Variants in CTTNBP2 observed in about 807,000 individuals in gnomAD.
CTTNBP2 encodes the protein cortactin-binding protein 2.
In CTTNBP2, 108 loss-of-function variants were observed where a neutral mutation model predicts 156.9. That is an observed-to-expected ratio of 0.69 (90% CI 0.59 to 0.81). CTTNBP2 has a LOEUF of 0.81. Among genes scored for constraint, CTTNBP2 ranks in the 30% least tolerant of loss-of-function variants. The pLI is 0.00. For synonymous variants in CTTNBP2, 767 were observed against 751.8 expected (o/e 1.02, Z -0.33); for missense variants, 1,924 against 2,035.4 (o/e 0.95, Z 1.05).
At chr7:117,745,681 A>T in intron 14 of CTTNBP2, 150 bp downstream of exon 14, 2 of 613,050 alleles carry the variant, frequency 3.3e-6, no homozygotes, top group Non-Finnish European at 5.8e-6. Flanking sequence ...ACACATGAAG[A>T]TAATTTTTGC....
chr7:117,846,107 T>C (rs1802570079), intron 2 of CTTNBP2, among the ~76,000 whole-genome samples: 1 of 152,118 alleles, frequency 6.6e-6, no homozygotes, highest in Admixed American at 6.6e-5. Context: ...CGCCTCAGCC[T>C]CCCAAAGTGC....
intron 4 of CTTNBP2, chr7:117,786,301 C>A: frequency 3.2e-6 from 1 of 308,534 alleles, no homozygotes; most frequent in Non-Finnish European, 6.5e-6. Context: ...TCATAAAATT[C>A]AATATTTATC....
chr7:117,841,791 T>C (rs1563059512), intron 2 of CTTNBP2, among the ~76,000 whole-genome samples: 1 of 152,182 alleles, frequency 6.6e-6, no homozygotes, highest in African/African-American at 2.4e-5. Flanking sequence ...ATTACTTCTC[T>C]TTTTCATGAT....
chr7:117,830,358 C>CCT, intron 2 of CTTNBP2, among the ~76,000 whole-genome samples: 1 of 152,164 alleles, frequency 6.6e-6, no homozygotes, highest in Non-Finnish European at 1.5e-5. Context: ...CGGCCGACAG[C>CCT]AAGGGCTCCA....
chr7:117,767,687 AT>A (rs1584968809), intron 8 of CTTNBP2, among the ~76,000 whole-genome samples: 1 of 152,192 alleles, frequency 6.6e-6, no homozygotes, highest in African/African-American at 2.4e-5. Context: ...GCCATATTTT[AT>A]TTGAAAAATA....
At chr7:117,788,132 G>A (rs1798801459) in intron 4 of CTTNBP2, among the ~76,000 whole-genome samples, 1 of 152,004 alleles carries the variant, frequency 6.6e-6, no homozygotes, top group African/African-American at 2.4e-5. Flanking sequence ...ACACTACCAT[G>A]CCCAGCTAAT....
intron 19 of CTTNBP2, among the ~76,000 whole-genome samples, chr7:117,722,109 A>G (rs1308881589): frequency 1.3e-5 from 2 of 152,234 alleles, no homozygotes; most frequent in Non-Finnish European, 2.9e-5. Context: ...TAATTACTAC[A>G]TAGCGCACAG....
At chr7:117,820,656 T>A (rs140766139) in intron 2 of CTTNBP2, among the ~76,000 whole-genome samples, 8 of 152,382 alleles carry the variant, frequency 5.2e-5, no homozygotes, top group Admixed American at 5.2e-4. Context: ...ATATCTCTGA[T>A]GCCTTTGTTG....
chr7:117,811,253 C>T (rs1800260047), intron 2 of CTTNBP2, among the ~76,000 whole-genome samples: 1 of 152,068 alleles, frequency 6.6e-6, no homozygotes, highest in Non-Finnish European at 1.5e-5. Flanking sequence ...TCCTATGGTG[C>T]CCTACTCCTC....
chr7:117,873,429 C>T lies in CTTNBP2; in HGVS notation c.-14G>A, dbSNP rs777914812. 1.2e-5 allele frequency: 18 copies of T among 1,477,220 alleles called. No homozygotes were observed. Among genetic ancestry groups the T allele is most frequent in the East Asian group, 2.8e-5 (1 of 35,700 alleles). 91.5% of individuals were successfully genotyped at this position (1,477,220 alleles called of 1,614,324 possible). A position where few individuals can be genotyped will look rare whatever the true frequency, so the allele number is the denominator to read the frequency against. ...GTCCGTCGCCATCTTCCTGCTCTAG[C>T]GGATCCGAATGCGAGCTCGGAGCCG... is the stretch of plus-strand genomic sequence containing the variant. On this transcript the variant is annotated 5_prime_UTR_variant, in exon 1 of 23. Transcript: ENST00000160373.
chr7:117,774,708 T>C (rs970588826), intron 8 of CTTNBP2, among the ~76,000 whole-genome samples: 1 of 151,278 alleles, frequency 6.6e-6, no homozygotes, highest in Admixed American at 6.6e-5. Context: ...CTATGTTATG[T>C]CCCTTCAAGC....
chr7:117,817,358 AAAAAT>A (rs1800667070), intron 2 of CTTNBP2, among the ~76,000 whole-genome samples: 1 of 78,930 alleles, frequency 1.3e-5, no homozygotes, highest in Non-Finnish European at 2.5e-5. Flanking sequence ...AAAAAAAAAA[AAAAAT>A]ATATATATAT....
At chr7:117,847,496 C>A (rs766095040) in intron 2 of CTTNBP2, among the ~76,000 whole-genome samples, 16 of 152,188 alleles carry the variant, frequency 1.1e-4, no homozygotes, top group Non-Finnish European at 2.1e-4. Context: ...GATCATGCCA[C>A]TGCACTCCAG....
intron 10 of CTTNBP2, among the ~76,000 whole-genome samples, chr7:117,759,849 G>A (rs1237441592): frequency 1.3e-5 from 2 of 152,162 alleles, no homozygotes; most frequent in African/African-American, 4.8e-5. Context: ...GAACTAATCA[G>A]GGACACCTAA....
At chr7:117,801,219 A>C (rs1312171920) in intron 3 of CTTNBP2, among the ~76,000 whole-genome samples, 1 of 152,220 alleles carries the variant, frequency 6.6e-6, no homozygotes, top group Non-Finnish European at 1.5e-5. Flanking sequence ...GTGAACATTT[A>C]ATGAATAAGA....
At chr7:117,801,210 T>G (rs982732560) in intron 3 of CTTNBP2, among the ~76,000 whole-genome samples, 12 of 152,146 alleles carry the variant, frequency 7.9e-5, no homozygotes, top group African/African-American at 2.9e-4. Flanking sequence ...AACTAGCAGG[T>G]GAACATTTAA....
At chr7:117,739,363 G>A (rs897597369) in intron 14 of CTTNBP2, among the ~76,000 whole-genome samples, 3 of 152,070 alleles carry the variant, frequency 2.0e-5, no homozygotes, top group East Asian at 1.9e-4. Flanking sequence ...TTTTACCTTC[G>A]GCCAAAAAGT....
intron 4 of CTTNBP2, 117 bp from the exon 5 acceptor site, chr7:117,784,571 A>G: frequency 1.5e-6 from 1 of 655,968 alleles, no homozygotes; most frequent in South Asian, 2.7e-5. Flanking sequence ...CTAGAGGATT[A>G]TGTGGTTTCT....
intron 2 of CTTNBP2, among the ~76,000 whole-genome samples, chr7:117,841,520 T>C (rs1336735558): frequency 1.3e-5 from 2 of 152,122 alleles, no homozygotes; most frequent in Non-Finnish European, 2.9e-5. Flanking sequence ...TCTCTATATA[T>C]ACATGTGCCA....
Sources: gnomAD v4.1 joint callset for allele counts (sites outside exome capture counted in the v4.1 genomes callset) on GRCh38, gnomAD v4.1.1 for gene constraint, MANE v1.5 for transcripts, NCBI Gene and HGNC (gene_info 2026-07-23, HGNC 2026-07-21) for gene names.